Variants in SHTN1 observed in about 807,000 individuals in gnomAD.
The protein encoded by SHTN1 is shootin-1.
SHTN1 carries 42 observed loss-of-function variants against 83.1 expected under a neutral mutation model. The ratio of observed to expected loss-of-function variants is 0.51; its 90% confidence interval spans 0.39 to 0.65. The LOEUF (loss-of-function observed/expected upper bound fraction) is 0.65, where lower values mean the gene tolerates loss of function less well. Among genes scored for constraint, SHTN1 ranks in the 30% least tolerant of loss-of-function variants. The pLI is 0.00. For synonymous variants in SHTN1, 224 were observed against 247.7 expected, an observed-to-expected ratio of 0.90 and a Z score of 0.90; for missense variants, 622 against 737.8, an observed-to-expected ratio of 0.84 and a Z score of 1.82.
In SHTN1 at chr10:116,883,194, T is replaced by G. The variant is rs190001744; in HGVS notation, c.*3150A>C. ...CTATCCTCGAGACTGCACTCACCAA[T>G]GGATAATTAGCATTTTAATTTAAAT... On this transcript the variant is annotated 3_prime_UTR_variant, in exon 17 of 17. Transcript: ENST00000355371. 1.2e-3 allele frequency: 177 copies of G among 152,310 alleles called. No individual in the cohort carries two copies. The highest frequency in any genetic ancestry group is 4.1e-3 in the African/African-American group (170 of 41,570). The allele number at this position is 152,310 out of a possible 1,614,324, so 9.4% of individuals were successfully genotyped here.
At chr10:116,922,071 C>A (rs1454447937) in intron 11 of SHTN1, among the ~76,000 whole-genome samples, 3 of 151,930 alleles carry the variant, frequency 2.0e-5, no homozygotes, top group Admixed American at 2.0e-4. Flanking sequence ...AATTTTATAA[C>A]CTTTGATATT....
At chr10:117,097,030 G>GACATAGACAC (rs1554938946) in intron 1 of SHTN1, among the ~76,000 whole-genome samples, 2 of 148,950 alleles carry the variant, frequency 1.3e-5, no homozygotes, top group African/African-American at 4.9e-5. Flanking sequence ...CACACACATA[G>GACATAGACAC]ACACACACAC....
At chr10:117,005,827 G>C (rs1642117883), upstream of SHTN1, among the ~76,000 whole-genome samples, 1 of 152,260 alleles carries the variant, frequency 6.6e-6, no homozygotes, top group Non-Finnish European at 1.5e-5. Context: ...TGCTGCACGT[G>C]GATGGTGGGG....
At chr10:117,029,137 C>CA (rs1479833849) in intron 2 of SHTN1, among the ~76,000 whole-genome samples, 1 of 152,218 alleles carries the variant, frequency 6.6e-6, no homozygotes, top group Non-Finnish European at 1.5e-5. Flanking sequence ...GACGTGGAGT[C>CA]AAAGGAGATT....
At chr10:116,976,181 G>C (rs566836849) in intron 2 of SHTN1, among the ~76,000 whole-genome samples, 1 of 152,284 alleles carries the variant, frequency 6.6e-6, no homozygotes, top group South Asian at 2.1e-4. Context: ...CTGCTGTGTA[G>C]AGCATGAGAC....
intron 2 of SHTN1, among the ~76,000 whole-genome samples, chr10:116,974,567 T>C (rs1287172012): frequency 6.6e-6 from 1 of 152,178 alleles, no homozygotes; most frequent in East Asian, 1.9e-4. Context: ...TCATTCATTG[T>C]TCCTGGCAAG....
intron 2 of SHTN1, chr10:117,023,592 T>G (rs1208439335): frequency 6.6e-6 from 1 of 152,620 alleles, no homozygotes; most frequent in African/African-American, 2.4e-5. Context: ...CAGAATACAC[T>G]TGAAAATCTA....
intron 9 of SHTN1, among the ~76,000 whole-genome samples, chr10:116,935,521 G>C (rs1441466836): frequency 1.3e-5 from 2 of 152,210 alleles, no homozygotes; most frequent in Non-Finnish European, 2.9e-5. Flanking sequence ...AAGCTGACTT[G>C]ATTGTGGTAG....
chr10:116,897,320 G>A (rs966016184), intron 16 of SHTN1, among the ~76,000 whole-genome samples: 2 of 152,186 alleles, frequency 1.3e-5, no homozygotes, highest in Non-Finnish European at 2.9e-5. Context: ...ACTACACTGA[G>A]AGACACGTAG....
intron 6 of SHTN1, among the ~76,000 whole-genome samples, chr10:116,950,241 T>G (rs570104456): frequency 9.2e-5 from 14 of 152,258 alleles, no homozygotes; most frequent in Non-Finnish European, 2.1e-4. Flanking sequence ...CATAGCTCAT[T>G]GCAGCCTGGA....
chr10:117,042,158 A>T (rs555706611), intron 2 of SHTN1, among the ~76,000 whole-genome samples: 5 of 152,220 alleles, frequency 3.3e-5, no homozygotes, highest in Non-Finnish European at 5.9e-5. Flanking sequence ...TTTACAGGCC[A>T]TCTTTACCAG....
chr10:117,106,624 A>T (rs1345273166), intron 1 of SHTN1, among the ~76,000 whole-genome samples: 1 of 152,188 alleles, frequency 6.6e-6, no homozygotes, highest in African/African-American at 2.4e-5. Flanking sequence ...TAGAAATAGT[A>T]GCAGCTCCTA....
chr10:117,100,257 C>T (rs1158199516), intron 1 of SHTN1, among the ~76,000 whole-genome samples: 1 of 152,144 alleles, frequency 6.6e-6, no homozygotes, highest in Non-Finnish European at 1.5e-5. Flanking sequence ...GCCTGGGAAA[C>T]AATCATCCAT....
chr10:117,007,612 GA>G (rs1236022822), upstream of SHTN1, among the ~76,000 whole-genome samples: 2 of 149,342 alleles, frequency 1.3e-5, no homozygotes, highest in Admixed American at 1.3e-4. Context: ...TTCACTTGAG[GA>G]CATGGTATGA....
At chr10:116,991,746 T>C (rs188292281) in intron 1 of SHTN1, among the ~76,000 whole-genome samples, 2 of 152,302 alleles carry the variant, frequency 1.3e-5, no homozygotes, top group East Asian at 1.9e-4. Flanking sequence ...ACATGAGATT[T>C]TGGGGGACAA....
intron 12 of SHTN1, among the ~76,000 whole-genome samples, chr10:116,915,979 A>G (rs944778662): frequency 6.6e-6 from 1 of 152,284 alleles, no homozygotes; most frequent in Non-Finnish European, 1.5e-5. Flanking sequence ...AAAGACAAAC[A>G]GTAAATAAAT....
At chr10:116,918,468 TA>T (rs555140494) in intron 12 of SHTN1, among the ~76,000 whole-genome samples, 50 of 150,634 alleles carry the variant, frequency 3.3e-4, no homozygotes, top group South Asian at 8.4e-4. Context: ...TAAAGGTAAT[TA>T]AAAAAAAAAT....
At chr10:117,094,763 T>C (rs1458899327) in intron 1 of SHTN1, among the ~76,000 whole-genome samples, 1 of 152,200 alleles carries the variant, frequency 6.6e-6, no homozygotes, top group East Asian at 1.9e-4. Flanking sequence ...CAGAAGGTAA[T>C]AAAGATAAAA....
At chr10:116,972,538 G>A (rs1350756364) in intron 2 of SHTN1, among the ~76,000 whole-genome samples, 1 of 152,182 alleles carries the variant, frequency 6.6e-6, no homozygotes, top group Non-Finnish European at 1.5e-5. Flanking sequence ...TATCAACAGA[G>A]GGAAGTCAGC....
Sources: allele counts gnomAD v4.1 joint callset (sites outside exome capture counted in the v4.1 genomes callset), GRCh38; gene constraint gnomAD v4.1.1; transcripts MANE v1.5; gene names NCBI Gene and HGNC (gene_info 2026-07-23, HGNC 2026-07-21).